The following SLC12A8 variants were observed in gnomAD, a reference collection of about 807,000 sequenced individuals.
The protein encoded by SLC12A8 is solute carrier family 12 member 8.
SLC12A8 carries 69 observed loss-of-function variants against 75.6 expected under a neutral mutation model. The observed-to-expected ratio is 0.91, with a 90% confidence interval of 0.75 to 1.11. SLC12A8 has a LOEUF of 1.11. Ranked by LOEUF, SLC12A8 falls within the 50% of genes most tolerant of loss-of-function variation. SLC12A8 has a pLI of 0.00. For synonymous variants in SLC12A8, 365 were observed against 372.8 expected (o/e 0.98, Z 0.24); for missense variants, 877 against 896.7 (o/e 0.98, Z 0.28).
chr3:125,176,169 G>A (rs892957315), intron 5 of SLC12A8, among the ~76,000 whole-genome samples: 4 of 152,154 alleles, frequency 2.6e-5, no homozygotes, highest in Non-Finnish European at 4.4e-5. Context: ...GCATATCATC[G>A]TGCAAAAACA....
chr3:125,175,220 TGC>T (rs1450173465), intron 5 of SLC12A8, among the ~76,000 whole-genome samples: 1 of 152,254 alleles, frequency 6.6e-6, no homozygotes, highest in Non-Finnish European at 1.5e-5. Context: ...GTTGCTATTA[TGC>T]ATAGTTCCTT....
At chr3:125,125,330 G>A (rs771229688) in intron 6 of SLC12A8, among the ~76,000 whole-genome samples, 4 of 151,996 alleles carry the variant, frequency 2.6e-5, no homozygotes, top group Admixed American at 6.5e-5. Context: ...GGCTAAGGTG[G>A]GTGGATCACC....
chr3:125,084,356 A>G (rs2107727433), intron 13 of SLC12A8, among the ~76,000 whole-genome samples: 2 of 152,274 alleles, frequency 1.3e-5, no homozygotes, highest in East Asian at 3.9e-4. Context: ...TCCAAATGGT[A>G]TCATGTTGGG....
intron 8 of SLC12A8, among the ~76,000 whole-genome samples, chr3:125,112,065 G>A (rs753190954): frequency 6.6e-6 from 1 of 152,010 alleles, no homozygotes; most frequent in Non-Finnish European, 1.5e-5. Flanking sequence ...GGCTGCAAAG[G>A]GACAGGCAAA....
At chr3:125,138,845 A>AACACAC (rs3061221) in intron 5 of SLC12A8, among the ~76,000 whole-genome samples, 2,368 of 137,780 alleles carry the variant, frequency 0.017, 39 homozygotes, top group African/African-American at 0.039. Context: ...CCTTCTACAA[A>AACACAC]ACACACACAC....
intron 10 of SLC12A8, among the ~76,000 whole-genome samples, chr3:125,105,754 G>T (rs553174374): frequency 6.6e-6 from 1 of 152,314 alleles, no homozygotes; most frequent in East Asian, 1.9e-4. Flanking sequence ...TCCAGGCAGG[G>T]TGTGGTGGCT....
At chr3:125,117,737 A>C (rs1310496758) in intron 8 of SLC12A8, among the ~76,000 whole-genome samples, 1 of 152,218 alleles carries the variant, frequency 6.6e-6, no homozygotes, top group Non-Finnish European at 1.5e-5. Context: ...TTTCTCCAAG[A>C]ACTTAAAGGA....
intron 6 of SLC12A8, among the ~76,000 whole-genome samples, chr3:125,123,998 A>G (rs778366997): frequency 1.5e-4 from 23 of 152,022 alleles, no homozygotes; most frequent in Non-Finnish European, 1.8e-4. Context: ...GCTTCCAAAC[A>G]CTTACTGTCT....
At chr3:125,170,354 G>A (rs1474989106) in intron 5 of SLC12A8, among the ~76,000 whole-genome samples, 1 of 152,198 alleles carries the variant, frequency 6.6e-6, no homozygotes, top group African/African-American at 2.4e-5. Flanking sequence ...CAATATTTAT[G>A]ATAGCAACAA....
intron 6 of SLC12A8, among the ~76,000 whole-genome samples, chr3:125,127,885 CT>C (rs564408585): frequency 9.3e-5 from 14 of 149,748 alleles, no homozygotes; most frequent in African/African-American, 1.7e-4. Flanking sequence ...AATTATAAAA[CT>C]TTTTTTTTTG....
Position 125,187,226 on chromosome 3 carries a change from G to A in SLC12A8, c.390+11C>T, listed in dbSNP as rs765227959. On this transcript the variant is annotated intron_variant, in intron 4 of 13. Coordinates refer to ENST00000469902, the MANE Select transcript of SLC12A8 (RefSeq NM_024628.6). ...GCCAGGCAGGGGAAGCATCCCGGGC[G>A]CAGGCCTCACCTGTCCAAACACATA... 39 of 1,609,048 alleles carry A rather than the reference G, an allele frequency of 2.4e-5. 1 individual carries two copies. The highest frequency in any genetic ancestry group is 2.1e-4 in the South Asian group (19 of 90,984).
At chr3:125,166,600 C>T (rs887216589) in intron 5 of SLC12A8, among the ~76,000 whole-genome samples, 4 of 152,274 alleles carry the variant, frequency 2.6e-5, no homozygotes, top group South Asian at 2.1e-4. Context: ...CCTGACTCTC[C>T]GACTGTACGG....
intron 2 of SLC12A8, among the ~76,000 whole-genome samples, chr3:125,203,074 G>A (rs1935157011): frequency 8.5e-6 from 1 of 118,054 alleles, no homozygotes; most frequent in Admixed American, 1.0e-4. Context: ...GGGGACAAGA[G>A]CGAGACTTCA....
At chr3:125,198,995 G>A (rs893487868) in intron 2 of SLC12A8, among the ~76,000 whole-genome samples, 2 of 151,938 alleles carry the variant, frequency 1.3e-5, no homozygotes, top group Non-Finnish European at 2.9e-5. Context: ...AGCCAGGATG[G>A]TCTCGATCTC....
In SLC12A8 at chr3:125,096,058, C is replaced by T. The variant is rs559048650; in HGVS notation, c.1706-3860G>A. 1.6e-4 allele frequency among the ~76,000 whole-genome samples: 25 copies of T among 152,312 alleles called. No homozygotes were observed. The South Asian group carries it at 4.6e-3, about 28-fold the overall frequency. On this transcript the variant is annotated intron_variant, in intron 10 of 13. Coordinates refer to ENST00000469902, the MANE Select transcript of SLC12A8 (RefSeq NM_024628.6). Reference sequence around the variant, plus strand: ...TTTCCTCACTGGACCCCTCTCATCTCTCTTCCCTGGCTCACTGCTCTCCAG... The same window carrying T: ...TTTCCTCACTGGACCCCTCTCATCTTTCTTCCCTGGCTCACTGCTCTCCAG...
intron 2 of SLC12A8, among the ~76,000 whole-genome samples, chr3:125,200,161 A>C (rs1279464184): frequency 6.6e-6 from 1 of 152,172 alleles, no homozygotes; most frequent in African/African-American, 2.4e-5. Context: ...TATGATAAAA[A>C]CCCTAGACCA....
intron 10 of SLC12A8, among the ~76,000 whole-genome samples, chr3:125,100,448 C>T (rs1938839918): frequency 1.3e-5 from 2 of 151,576 alleles, no homozygotes; most frequent in South Asian, 2.1e-4. Context: ...ACTCTTATTG[C>T]CCAGGCTGGA....
chr3:125,152,430 T>C (rs944079516), intron 5 of SLC12A8, among the ~76,000 whole-genome samples: 1 of 152,234 alleles, frequency 6.6e-6, no homozygotes, highest in African/African-American at 2.4e-5. Flanking sequence ...TTAGAATGCT[T>C]TTCATTTTTA....
At chr3:125,176,144 T>C (rs1392046667) in intron 5 of SLC12A8, among the ~76,000 whole-genome samples, 6 of 152,296 alleles carry the variant, frequency 3.9e-5, no homozygotes, top group Non-Finnish European at 5.9e-5. Flanking sequence ...GCAGAGTTGC[T>C]GTCACAAAAA....
Sources: allele counts gnomAD v4.1 joint callset (sites outside exome capture counted in the v4.1 genomes callset), GRCh38; gene constraint gnomAD v4.1.1; transcripts MANE v1.5; gene names NCBI Gene and HGNC (gene_info 2026-07-23, HGNC 2026-07-21).